The following CNTNAP5 variants were observed in gnomAD, a reference collection of about 807,000 sequenced individuals.
CNTNAP5 encodes contactin-associated protein-like 5.
CNTNAP5 carries 72 observed loss-of-function variants against 150.2 expected under a neutral mutation model. That is an observed-to-expected ratio of 0.48 (90% CI 0.40 to 0.58). The LOEUF (loss-of-function observed/expected upper bound fraction) is 0.58. Among genes scored for constraint, CNTNAP5 ranks in the 20% least tolerant of loss-of-function variants. CNTNAP5 has a pLI of 0.00. For synonymous variants in CNTNAP5, 672 were observed against 619.8 expected (o/e 1.08, Z -1.25); for missense variants, 1,636 against 1,626.2 (o/e 1.01, Z -0.10).
chr2:124,144,028 A>G (rs1684185352), intron 1 of CNTNAP5, among the ~76,000 whole-genome samples: 1 of 151,530 alleles, frequency 6.6e-6, no homozygotes, highest in African/African-American at 2.4e-5. Context: ...ATCATGAGTG[A>G]ACTCCCATTC....
chr2:124,384,781 T>G (rs564440355), intron 3 of CNTNAP5, among the ~76,000 whole-genome samples: 1 of 152,328 alleles, frequency 6.6e-6, no homozygotes, highest in East Asian at 1.9e-4. Context: ...CTCTGTTATC[T>G]GATTTCCCCA....
At chr2:124,173,522 A>G (rs898922100) in intron 1 of CNTNAP5, among the ~76,000 whole-genome samples, 1 of 152,228 alleles carries the variant, frequency 6.6e-6, no homozygotes, top group Admixed American at 6.5e-5. Context: ...GTCTGGACAG[A>G]TGATCAAACC....
At chr2:124,352,540 C>T (rs1046993389) in intron 3 of CNTNAP5, among the ~76,000 whole-genome samples, 2 of 152,176 alleles carry the variant, frequency 1.3e-5, no homozygotes, top group African/African-American at 4.8e-5. Flanking sequence ...ACATCTGCCA[C>T]TTTCTAGCTG....
chr2:124,662,739 A>C (rs983099846), intron 13 of CNTNAP5, among the ~76,000 whole-genome samples: 10 of 152,232 alleles, frequency 6.6e-5, no homozygotes, highest in Non-Finnish European at 1.3e-4. Flanking sequence ...TGGTTCTGCC[A>C]AATGAGGAGG....
intron 3 of CNTNAP5, among the ~76,000 whole-genome samples, chr2:124,397,522 T>C (rs1004847756): frequency 1.3e-5 from 2 of 152,188 alleles, no homozygotes; most frequent in African/African-American, 4.8e-5. Flanking sequence ...AATGTGACAG[T>C]GGCATTAGAA....
intron 1 of CNTNAP5, among the ~76,000 whole-genome samples, chr2:124,210,169 C>A (rs552523881): frequency 6.6e-6 from 1 of 152,210 alleles, no homozygotes; most frequent in South Asian, 2.1e-4. Flanking sequence ...AATTAAAAAC[C>A]ATCACCTTAT....
Position 124,508,745 on chromosome 2 carries a change from T to C in CNTNAP5, c.1327+4189T>C, listed in dbSNP as rs537915588. 5.9e-5 allele frequency among the ~76,000 whole-genome samples: 9 copies of C among 152,336 alleles called. No homozygotes were observed. The South Asian group carries it at 1.9e-3, about 32-fold the overall frequency. ...GTATAATTCTCTCCTAAGGAGAATT[T>C]CTATGTTTTTGGAAAATTTGAACTT... On this transcript the variant is annotated intron_variant, in intron 8 of 23. Transcript: ENST00000682447.
rs899118273 is a variant in CNTNAP5, at chr2:124,699,342, G to A, written c.2078-47887G>A. On this transcript the variant is annotated intron_variant, in intron 13 of 23. Transcript: ENST00000682447. ...GCGTTGCCTGTTTGTAGGTTGCAGG[G>A]AGGGGCTCAGATTGGTAATTGAAGC... Among the ~76,000 whole-genome samples the A allele has an allele frequency of 3.3e-5, 5 of 152,144 alleles. No homozygotes were observed. The South Asian group carries it at 1.0e-3, about 32-fold the overall frequency.
At chr2:124,385,315 T>C (rs1020108673) in intron 3 of CNTNAP5, among the ~76,000 whole-genome samples, 1 of 152,142 alleles carries the variant, frequency 6.6e-6, no homozygotes, top group African/African-American at 2.4e-5. Context: ...TGCCTATTAT[T>C]CACTGTGCCA....
chr2:124,371,934 G>T (rs1279157404), intron 3 of CNTNAP5, among the ~76,000 whole-genome samples: 1 of 152,000 alleles, frequency 6.6e-6, no homozygotes, highest in African/African-American at 2.4e-5. Context: ...CTCGATTGAG[G>T]GATGGCTAGG....
At chr2:124,059,272 C>T (rs1048222741) in intron 1 of CNTNAP5, among the ~76,000 whole-genome samples, 2 of 152,036 alleles carry the variant, frequency 1.3e-5, no homozygotes, top group African/African-American at 2.4e-5. Context: ...ATTTTAAAGT[C>T]GTAACTATAA....
At chr2:124,132,723 C>A (rs1006132368) in intron 1 of CNTNAP5, among the ~76,000 whole-genome samples, 1 of 152,140 alleles carries the variant, frequency 6.6e-6, no homozygotes, top group African/African-American at 2.4e-5. Context: ...AGAATCATTT[C>A]AATTTTCTCA....
At chr2:124,025,770 A>G (rs1218343823) in intron 1 of CNTNAP5, 38 bp downstream of exon 1, 4 of 1,480,564 alleles carry the variant, frequency 2.7e-6, no homozygotes, top group Non-Finnish European at 3.8e-6. Flanking sequence ...GGTGAGGTGG[A>G]AAACGATCGC....
chr2:124,793,671 C>T (rs1240752403), intron 18 of CNTNAP5, among the ~76,000 whole-genome samples: 1 of 152,068 alleles, frequency 6.6e-6, no homozygotes, highest in Admixed American at 6.5e-5. Flanking sequence ...GTCTTTGATG[C>T]ATTATGAGTG....
chr2:124,636,205 G>A (rs1573512967), intron 12 of CNTNAP5, among the ~76,000 whole-genome samples: 1 of 152,264 alleles, frequency 6.6e-6, no homozygotes, highest in South Asian at 2.1e-4. Flanking sequence ...ACTTAGTTGA[G>A]TTACCCAGCC....
intron 17 of CNTNAP5, among the ~76,000 whole-genome samples, chr2:124,785,064 A>T (rs1681536849): frequency 6.6e-6 from 1 of 150,896 alleles, no homozygotes; most frequent in Non-Finnish European, 1.5e-5. Context: ...AAAACAAAAG[A>T]AAAAGAAAAA....
At chr2:124,329,624 C>T (rs1386037550) in intron 3 of CNTNAP5, among the ~76,000 whole-genome samples, 1 of 151,884 alleles carries the variant, frequency 6.6e-6, no homozygotes, top group Non-Finnish European at 1.5e-5. Flanking sequence ...AAGTTGGTGG[C>T]CGTGAAGAAA....
intron 7 of CNTNAP5, among the ~76,000 whole-genome samples, chr2:124,500,149 C>G (rs1694243507): frequency 6.6e-6 from 1 of 152,136 alleles, no homozygotes; most frequent in Non-Finnish European, 1.5e-5. Context: ...GGGCACTGTA[C>G]TTTGCCAAGT....
intron 1 of CNTNAP5, among the ~76,000 whole-genome samples, chr2:124,073,299 G>C (rs1682358718): frequency 6.6e-6 from 1 of 152,010 alleles, no homozygotes; most frequent in South Asian, 2.1e-4. Context: ...TATTGGTCTG[G>C]GCAAAGATTT....
Sources: gnomAD v4.1 joint callset for allele counts (sites outside exome capture counted in the v4.1 genomes callset) on GRCh38, gnomAD v4.1.1 for gene constraint, MANE v1.5 for transcripts, NCBI Gene and HGNC (gene_info 2026-07-23, HGNC 2026-07-21) for gene names.